Variants in SLC71A2 observed in about 807,000 individuals in gnomAD.
The protein encoded by SLC71A2 is solute carrier family 71 member 2.
chr9:94,431,589 A>G, the SLC71A2 span, among the ~76,000 whole-genome samples: 1 of 151,944 alleles, frequency 6.6e-6, no homozygotes, highest in African/African-American at 2.4e-5. Flanking sequence ...AATTATGTTG[A>G]ACACTTAGTA....
chr9:94,442,763 T>C, the SLC71A2 span, among the ~76,000 whole-genome samples: 1 of 151,686 alleles, frequency 6.6e-6, no homozygotes, highest in East Asian at 1.9e-4. Flanking sequence ...GGCAGGAGAA[T>C]TGCTTGAACC....
the SLC71A2 span, among the ~76,000 whole-genome samples, chr9:94,388,673 T>C: frequency 2.0e-5 from 3 of 152,004 alleles, no homozygotes; most frequent in Non-Finnish European, 2.9e-5. Context: ...TATATTTGCA[T>C]GGAAAAATGT....
chr9:94,434,386 G>A, the SLC71A2 span, among the ~76,000 whole-genome samples: 1 of 152,306 alleles, frequency 6.6e-6, no homozygotes, highest in East Asian at 1.9e-4. Flanking sequence ...TGCGATCTCA[G>A]CTTGCTGCAA....
At chr9:94,444,404 GT>G in the SLC71A2 span, among the ~76,000 whole-genome samples, 1 of 152,162 alleles carries the variant, frequency 6.6e-6, no homozygotes, top group Non-Finnish European at 1.5e-5. Flanking sequence ...CTTTGTTGTT[GT>G]TAATAGTTTT....
the SLC71A2 span, among the ~76,000 whole-genome samples, chr9:94,388,435 A>G: frequency 2.6e-5 from 4 of 152,234 alleles, no homozygotes. Flanking sequence ...TATTGGGACA[A>G]GACCACAGAG....
chr9:94,440,310 C>T, the SLC71A2 span, among the ~76,000 whole-genome samples: 1 of 152,070 alleles, frequency 6.6e-6, no homozygotes, highest in South Asian at 2.1e-4. Flanking sequence ...CCCACCACCA[C>T]GCCCGGCTAA....
At chr9:94,428,569 A>G in the SLC71A2 span, among the ~76,000 whole-genome samples, 1 of 147,978 alleles carries the variant, frequency 6.8e-6, no homozygotes, top group South Asian at 2.2e-4. Context: ...TTTCCCCTGT[A>G]TCCCTTCCCT....
chr9:94,429,909 A>ATTT, the SLC71A2 span, among the ~76,000 whole-genome samples: 2,201 of 141,914 alleles, frequency 0.016, 45 homozygotes, highest in South Asian at 0.044. Flanking sequence ...TCTTTATTTT[A>ATTT]TTTTTTTTTT....
chr9:94,435,898 G>A, the SLC71A2 span, among the ~76,000 whole-genome samples: 7 of 152,116 alleles, frequency 4.6e-5, no homozygotes, highest in South Asian at 2.1e-4. Flanking sequence ...TGATCCGCCC[G>A]CCTCAACCTC....
At chr9:94,395,191 G>A in the SLC71A2 span, among the ~76,000 whole-genome samples, 6 of 150,644 alleles carry the variant, frequency 4.0e-5, no homozygotes, top group East Asian at 3.9e-4. Flanking sequence ...TGGGATTACG[G>A]GGATGAACCA....
chr9:94,414,651 C>G, the SLC71A2 span, among the ~76,000 whole-genome samples: 1 of 151,998 alleles, frequency 6.6e-6, no homozygotes, highest in East Asian at 1.9e-4. Context: ...TGGGATAGAT[C>G]GAAAGTCTAT....
chr9:94,446,266 C>T, the SLC71A2 span, among the ~76,000 whole-genome samples: 1 of 152,198 alleles, frequency 6.6e-6, no homozygotes, highest in African/African-American at 2.4e-5. Context: ...TTGTTCTATT[C>T]AACAATCCAA....
the SLC71A2 span, chr9:94,459,610 G>A: frequency 3.8e-6 from 2 of 521,880 alleles, no homozygotes; most frequent in South Asian, 2.7e-5. Flanking sequence ...TTTTTTTCCT[G>A]TTTATACATT....
chr9:94,412,323 AT>A, the SLC71A2 span, among the ~76,000 whole-genome samples: 2 of 152,164 alleles, frequency 1.3e-5, no homozygotes, highest in African/African-American at 2.4e-5. Flanking sequence ...AAGATGAAGT[AT>A]TTTTTTGACT....
the SLC71A2 span, among the ~76,000 whole-genome samples, chr9:94,405,578 C>T: frequency 6.6e-6 from 1 of 151,888 alleles, no homozygotes; most frequent in African/African-American, 2.4e-5. Flanking sequence ...AGTGATTCTC[C>T]TGTCTAAGCT....
At chr9:94,381,400 G>T in the SLC71A2 span, among the ~76,000 whole-genome samples, 1 of 146,358 alleles carries the variant, frequency 6.8e-6, no homozygotes, top group Non-Finnish European at 1.5e-5. Context: ...TCTCCTCTTT[G>T]GCTTTTAAAA....
At chr9:94,405,034 A>T in the SLC71A2 span, among the ~76,000 whole-genome samples, 1 of 152,108 alleles carries the variant, frequency 6.6e-6, no homozygotes, top group South Asian at 2.1e-4. Context: ...TAGGGTAGCG[A>T]TCCAACTTCA....
chr9:94,406,059 A>G, the SLC71A2 span, among the ~76,000 whole-genome samples: 4 of 105,490 alleles, frequency 3.8e-5, no homozygotes, highest in South Asian at 1.3e-3. Flanking sequence ...ATGCTATTGC[A>G]ACTTGAATTT....
chr9:94,401,931 G>C, the SLC71A2 span, among the ~76,000 whole-genome samples: 14 of 152,146 alleles, frequency 9.2e-5, no homozygotes, highest in Non-Finnish European at 1.6e-4. Context: ...AACAAGGGGT[G>C]GATTATTCAT....
Sources: gnomAD v4.1 joint callset for allele counts (sites outside exome capture counted in the v4.1 genomes callset) on GRCh38, gnomAD v4.1.1 for gene constraint, MANE v1.5 for transcripts, NCBI Gene and HGNC (gene_info 2026-07-23, HGNC 2026-07-21) for gene names.